The following NEMP2 variants were observed in gnomAD, a reference collection of about 807,000 sequenced individuals.
The protein encoded by NEMP2 is nuclear envelope integral membrane protein 2, also known as UPF0571 transmembrane protein.
Under a neutral mutation model 54.2 loss-of-function variants are expected in NEMP2, and 53 were observed. That is an observed-to-expected ratio of 0.98 (90% CI 0.78 to 1.23). The LOEUF (loss-of-function observed/expected upper bound fraction) is 1.23, where lower values mean the gene tolerates loss of function less well. Among genes scored for constraint, NEMP2 ranks in the 50% most tolerant of loss-of-function variants. NEMP2 has a pLI of 0.00. For synonymous variants in NEMP2, 197 were observed against 190.3 expected (o/e 1.04, Z -0.29); for missense variants, 455 against 511.3 (o/e 0.89, Z 1.06).
the NEMP2 span, among the ~76,000 whole-genome samples, chr2:190,599,155 C>A: frequency 4.5e-3 from 687 of 152,210 alleles, 10 homozygotes; most frequent in African/African-American, 0.016. Context: ...TTAACTACTG[C>A]AAAAGTTATC....
the NEMP2 span, among the ~76,000 whole-genome samples, chr2:190,570,090 C>T: frequency 6.6e-6 from 1 of 152,142 alleles, no homozygotes; most frequent in Non-Finnish European, 1.5e-5. The surrounding 1 kb of genome is among the most constrained non-coding windows in gnomAD (Gnocchi z 5.4). Flanking sequence ...TTGTTTTACC[C>T]AGTGTTGTAC....
At chr2:190,573,709 A>G in the NEMP2 span, among the ~76,000 whole-genome samples, 1 of 152,192 alleles carries the variant, frequency 6.6e-6, no homozygotes, top group African/African-American at 2.4e-5. Flanking sequence ...GCCTACCCTG[A>G]CTGCTGCAGG....
the NEMP2 span, among the ~76,000 whole-genome samples, chr2:190,432,143 G>A: frequency 6.6e-6 from 1 of 152,186 alleles, no homozygotes; most frequent in Non-Finnish European, 1.5e-5. Context: ...GGGTCATTGG[G>A]TTGTGTTGTT....
At chr2:190,542,570 G>GT in the NEMP2 span, among the ~76,000 whole-genome samples, 11 of 151,606 alleles carry the variant, frequency 7.3e-5, no homozygotes, top group Admixed American at 1.3e-4. This position sits in a 1 kb window ranked among gnomAD's most constrained non-coding sequence, Gnocchi z 4.6. Context: ...CCTTTTCATT[G>GT]TTTTTTTACT....
chr2:190,574,836 C>A, the NEMP2 span, among the ~76,000 whole-genome samples: 29 of 107,310 alleles, frequency 2.7e-4, no homozygotes, highest in African/African-American at 1.1e-3. Context: ...TTCTTTCCTT[C>A]CTTCTTTTTC....
chr2:190,540,402 G>A, the NEMP2 span, among the ~76,000 whole-genome samples: 120 of 152,048 alleles, frequency 7.9e-4, 2 homozygotes, highest in African/African-American at 2.7e-3. Context: ...TCCCGCCTCA[G>A]CCTCCTGAGT....
the NEMP2 span, among the ~76,000 whole-genome samples, chr2:190,491,314 A>G: frequency 1.3e-5 from 2 of 152,174 alleles, no homozygotes; most frequent in African/African-American, 4.8e-5. This position sits in a 1 kb window ranked among gnomAD's most constrained non-coding sequence, Gnocchi z 4.2. Context: ...TAGCATGTGG[A>G]GACTTGCATC....
the NEMP2 span, among the ~76,000 whole-genome samples, chr2:190,442,242 A>G: frequency 6.6e-6 from 1 of 152,196 alleles, no homozygotes; most frequent in African/African-American, 2.4e-5. Context: ...TTACTTAAAA[A>G]TCAAAATCCT....
At chr2:190,617,863 G>C in the NEMP2 span, among the ~76,000 whole-genome samples, 1 of 152,058 alleles carries the variant, frequency 6.6e-6, no homozygotes, top group Non-Finnish European at 1.5e-5. This position sits in a 1 kb window ranked among gnomAD's most constrained non-coding sequence, Gnocchi z 5.0. Flanking sequence ...TAAGTATTTA[G>C]CCTACATTTT....
In NEMP2 at chr2:190,510,780, C is replaced by T. The variant is rs979294919; in HGVS notation, c.954-243G>A. On this transcript the variant is annotated intron_variant, in intron 7 of 8. Coordinates refer to ENST00000409150, the MANE Select transcript of NEMP2 (RefSeq NM_001142645.2). This position sits in a 1 kb window ranked among gnomAD's most constrained non-coding sequence, Gnocchi z 5.7. ...CCTGTAGTCCCAGCTACTTGGGAGG[C>T]TGAGGCAGGAGAATGGCGTGAACCT... Among the ~76,000 whole-genome samples the T allele has an allele frequency of 2.0e-5, 3 of 151,384 alleles. No homozygotes were observed. The highest frequency in any genetic ancestry group is 1.3e-4 in the Admixed American group (2 of 15,142).
the NEMP2 span, chr2:190,626,167 G>A: frequency 6.6e-6 from 1 of 152,082 alleles, no homozygotes; most frequent in Non-Finnish European, 1.5e-5. The surrounding 1 kb of genome is among the most constrained non-coding windows in gnomAD (Gnocchi z 4.5). Context: ...TCTTATTCAT[G>A]AGGACTCTGT....
At chr2:190,535,013 G>T (rs930483199), upstream of NEMP2, 1 of 196,696 alleles carries the variant, frequency 5.1e-6, no homozygotes, top group East Asian at 1.2e-4. Context: ...CGCTGCCCTC[G>T]GCGCAGGGGT....
the NEMP2 span, among the ~76,000 whole-genome samples, chr2:190,620,964 C>A: frequency 6.6e-6 from 1 of 151,904 alleles, no homozygotes; most frequent in Non-Finnish European, 1.5e-5. This position sits in a 1 kb window ranked among gnomAD's most constrained non-coding sequence, Gnocchi z 4.9. Context: ...TATATGCTAG[C>A]AATGAACAAT....
At chr2:190,580,358 T>C in the NEMP2 span, among the ~76,000 whole-genome samples, 1 of 152,148 alleles carries the variant, frequency 6.6e-6, no homozygotes, top group South Asian at 2.1e-4. This position sits in a 1 kb window ranked among gnomAD's most constrained non-coding sequence, Gnocchi z 5.3. Context: ...GAGTTCTGTG[T>C]GGGCTGGACT....
the NEMP2 span, among the ~76,000 whole-genome samples, chr2:190,431,547 A>G: frequency 8.1e-4 from 124 of 152,350 alleles, no homozygotes; most frequent in African/African-American, 2.6e-3. This position sits in a 1 kb window ranked among gnomAD's most constrained non-coding sequence, Gnocchi z 4.4. Context: ...CACCAAAAAA[A>G]TACGAAAACC....
the NEMP2 span, among the ~76,000 whole-genome samples, chr2:190,455,661 C>T: frequency 6.6e-6 from 1 of 151,952 alleles, no homozygotes; most frequent in Non-Finnish European, 1.5e-5. Flanking sequence ...GAAAAAAATG[C>T]TTAAAAATTG....
chr2:190,499,164 T>TAATA, the NEMP2 span, among the ~76,000 whole-genome samples: 1 of 151,992 alleles, frequency 6.6e-6, no homozygotes, highest in African/African-American at 2.4e-5. The surrounding 1 kb of genome is among the most constrained non-coding windows in gnomAD (Gnocchi z 6.0). Flanking sequence ...ATAATAACAA[T>TAATA]AATAAATAAA....
At chr2:190,572,423 C>T in the NEMP2 span, among the ~76,000 whole-genome samples, 1 of 152,106 alleles carries the variant, frequency 6.6e-6, no homozygotes, top group Non-Finnish European at 1.5e-5. Flanking sequence ...AAGTTACACA[C>T]ATTCCTTCTG....
chr2:190,454,278 G>A, the NEMP2 span: 3 of 152,102 alleles, frequency 2.0e-5, no homozygotes, highest in Admixed American at 6.6e-5. The surrounding 1 kb of genome is among the most constrained non-coding windows in gnomAD (Gnocchi z 4.6). Context: ...CCCTGGGGAG[G>A]TTTCCAATTG....
Sources: allele counts gnomAD v4.1 joint callset (sites outside exome capture counted in the v4.1 genomes callset), GRCh38; gene constraint gnomAD v4.1.1; non-coding constraint Gnocchi (gnomAD v3.1); transcripts MANE v1.5; gene names NCBI Gene and HGNC (gene_info 2026-07-23, HGNC 2026-07-21).